KIFAP3: variants seen among roughly 807,000 people sequenced by gnomAD.
KIFAP3 encodes the protein kinesin associated protein 3, also known as kinesin-associated protein 3.
Under a neutral mutation model 106.5 loss-of-function variants are expected in KIFAP3, and 68 were observed. The ratio of observed to expected loss-of-function variants is 0.64; its 90% CI spans 0.53 to 0.78. The LOEUF (loss-of-function observed/expected upper bound fraction) is 0.78. Ranked by LOEUF, KIFAP3 falls within the 30% of genes least tolerant of loss-of-function variation. KIFAP3 has a pLI of 0.00. For synonymous variants in KIFAP3, 320 were observed against 311.5 expected (o/e 1.03, Z -0.29); for missense variants, 780 against 941.8 (o/e 0.83, Z 2.25).
intron 9 of KIFAP3, among the ~76,000 whole-genome samples, chr1:170,018,409 T>C (rs1668629886): frequency 6.6e-6 from 1 of 152,152 alleles, no homozygotes; most frequent in Non-Finnish European, 1.5e-5. Flanking sequence ...ACTTATTTAG[T>C]AAGAGAAGCT....
At chr1:170,019,966 AAAGT>A (rs1668724362) in intron 9 of KIFAP3, among the ~76,000 whole-genome samples, 1 of 152,246 alleles carries the variant, frequency 6.6e-6, no homozygotes, top group African/African-American at 2.4e-5. Context: ...GTACAACTAA[AAAGT>A]GTGTTTAGAA....
At chr1:170,081,527 A>T (rs145069953) in intron 1 of KIFAP3, among the ~76,000 whole-genome samples, 72 of 152,342 alleles carry the variant, frequency 4.7e-4, no homozygotes, top group African/African-American at 1.7e-3. Context: ...GAATAGAATC[A>T]GTTTCCTTGC....
Position 169,954,079 on chromosome 1 carries a change from A to C in KIFAP3, c.2205T>G (p.Ser735Arg). The change falls in exon 19 of 20, where the codon AGT (serine) becomes AGG (arginine). Residue 735 changes from serine (S) to arginine (R), a missense_variant. Coordinates refer to ENST00000361580, the MANE Select transcript of KIFAP3 (RefSeq NM_014970.4). Reference protein sequence around the residue: ...DGLIASEGAISPDFFNDYHLQ... With the variant: ...DGLIASEGAIRPDFFNDYHLQ... ...GGTGGTAATCATTGAAGAAATCGGG[A>C]CTTATGGCTCCTTCAGAGGCAATTA... is the stretch of plus-strand genomic sequence containing the variant. 1.9e-6 allele frequency: 3 copies of C among 1,613,140 alleles called. No individual in the cohort carries two copies. Among genetic ancestry groups the C allele is most frequent in the Non-Finnish European group, 2.5e-6 (3 of 1,179,166 alleles).
At chr1:169,960,142 T>A (rs1333994168) in intron 18 of KIFAP3, among the ~76,000 whole-genome samples, 1 of 152,138 alleles carries the variant, frequency 6.6e-6, no homozygotes, top group Non-Finnish European at 1.5e-5. Flanking sequence ...GTAATTTACA[T>A]AATCATCCAA....
rs2101984039 is a variant in KIFAP3, at chr1:170,009,520, A to G, written c.1183+6942T>C. ...AGGCCCTTCCAAAGAACACATTTCA[A>G]TTGCGTATTTTATGCTTGCTCTTGT... On this transcript the variant is annotated intron_variant, in intron 10 of 19. Coordinates refer to ENST00000361580, the MANE Select transcript of KIFAP3 (RefSeq NM_014970.4). 3.3e-5 allele frequency among the ~76,000 whole-genome samples: 5 copies of G among 152,264 alleles called. No individual in the cohort carries two copies. The South Asian group carries it at 1.0e-3, about 32-fold the overall frequency.
intron 7 of KIFAP3, chr1:170,032,285 A>G: frequency 4.9e-6 from 1 of 206,110 alleles, no homozygotes; most frequent in Non-Finnish European, 9.8e-6. Flanking sequence ...CTATATGTGA[A>G]TATTTTATAT....
chr1:170,057,531 T>C (rs1670911865), intron 1 of KIFAP3, among the ~76,000 whole-genome samples: 1 of 150,506 alleles, frequency 6.6e-6, no homozygotes, highest in Admixed American at 6.6e-5. Context: ...TTTTACCACA[T>C]ATACATTCAG....
chr1:169,958,631 A>G (rs990278311), intron 18 of KIFAP3, among the ~76,000 whole-genome samples: 3 of 152,348 alleles, frequency 2.0e-5, no homozygotes, highest in Middle Eastern at 6.8e-3. Flanking sequence ...CTGAGATAGA[A>G]CAAACCATTT....
At chr1:170,071,476 C>T (rs183533457) in intron 1 of KIFAP3, among the ~76,000 whole-genome samples, 25 of 152,298 alleles carry the variant, frequency 1.6e-4, no homozygotes, top group Non-Finnish European at 2.9e-4. Flanking sequence ...ATTTAGCTTA[C>T]AGTTCCGCAG....
chr1:170,051,843 C>A (rs1465065866), intron 2 of KIFAP3, among the ~76,000 whole-genome samples: 1 of 152,160 alleles, frequency 6.6e-6, no homozygotes, highest in Admixed American at 6.5e-5. Flanking sequence ...ACAGCTTAAG[C>A]AGTGTGTAGA....
At chr1:169,929,036 C>T (rs973705693) in intron 19 of KIFAP3, among the ~76,000 whole-genome samples, 1 of 152,094 alleles carries the variant, frequency 6.6e-6, no homozygotes, top group African/African-American at 2.4e-5. Flanking sequence ...ATACCTAACA[C>T]TAGTAAAATG....
At chr1:170,061,603 G>A (rs1557873409) in intron 1 of KIFAP3, among the ~76,000 whole-genome samples, 1 of 152,158 alleles carries the variant, frequency 6.6e-6, no homozygotes, top group Admixed American at 6.5e-5. Flanking sequence ...AAGACAGTGT[G>A]GCGATTCCTC....
chr1:169,949,046 G>A (rs938925283), intron 19 of KIFAP3, among the ~76,000 whole-genome samples: 5 of 151,174 alleles, frequency 3.3e-5, no homozygotes, highest in Middle Eastern at 3.4e-3. Flanking sequence ...TAAAAATTTG[G>A]GTAAAAGATT....
chr1:169,952,110 TG>T (rs1664759123), intron 19 of KIFAP3, among the ~76,000 whole-genome samples: 1 of 151,996 alleles, frequency 6.6e-6, no homozygotes, highest in Admixed American at 6.5e-5. Context: ...TATTTAACCA[TG>T]TTTAGCTTTT....
chr1:170,001,043 T>C (rs1282146010), intron 10 of KIFAP3, among the ~76,000 whole-genome samples: 1 of 152,144 alleles, frequency 6.6e-6, no homozygotes, highest in Non-Finnish European at 1.5e-5. Context: ...TACTCTTATA[T>C]AGAACATTTT....
intron 19 of KIFAP3, among the ~76,000 whole-genome samples, chr1:169,922,144 GATAAAA>G (rs1270574995): frequency 1.3e-5 from 2 of 152,130 alleles, no homozygotes; most frequent in Non-Finnish European, 2.9e-5. Context: ...GCTAGGGAAT[GATAAAA>G]ATAAAACTGT....
intron 1 of KIFAP3, among the ~76,000 whole-genome samples, chr1:170,066,071 G>T (rs1437737607): frequency 6.7e-6 from 1 of 150,206 alleles, no homozygotes; most frequent in Non-Finnish European, 1.5e-5. Context: ...ACTGTTTTTG[G>T]TGGTTGCTTT....
At chr1:170,034,313 C>T (rs940484812) in intron 7 of KIFAP3, 59 bp downstream of exon 7, 75 of 1,508,494 alleles carry the variant, frequency 5.0e-5, no homozygotes, top group Non-Finnish European at 5.9e-5. Flanking sequence ...ACCATCCCAC[C>T]CATCCAAAAC....
At chr1:169,987,882 A>G (rs1666911618) in intron 11 of KIFAP3, among the ~76,000 whole-genome samples, 1 of 152,166 alleles carries the variant, frequency 6.6e-6, no homozygotes, top group African/African-American at 2.4e-5. Context: ...AGAGGTCTAA[A>G]TAACAATGAA....
Sources: allele counts gnomAD v4.1 joint callset (sites outside exome capture counted in the v4.1 genomes callset), GRCh38; gene constraint gnomAD v4.1.1; transcripts MANE v1.5; gene names NCBI Gene and HGNC (gene_info 2026-07-23, HGNC 2026-07-21).